Variants in PFKM observed in about 807,000 individuals in gnomAD.
The protein encoded by PFKM is ATP-dependent 6-phosphofructokinase, muscle type.
In PFKM, 58 loss-of-function variants were observed where a neutral mutation model predicts 95.5. The ratio of observed to expected loss-of-function variants is 0.61; its 90% confidence interval spans 0.49 to 0.76. The LOEUF (loss-of-function observed/expected upper bound fraction) is 0.76, where lower values mean the gene tolerates loss of function less well. Ranked by LOEUF, PFKM falls within the 30% of genes least tolerant of loss-of-function variation. The pLI, the probability that PFKM is intolerant of heterozygous loss-of-function variation, is 0.00. For missense variants in PFKM, 678 were observed against 1,005.4 expected (o/e 0.67, Z 4.40); for synonymous variants, 336 against 357.2 (o/e 0.94, Z 0.67).
chr12:48,141,330 G>A lies in PFKM; in HGVS notation c.1361G>A (p.Ser454Asn). ...AKGQIEEAGW[S>N]YVGGWTGQGG... Reference sequence around the variant, plus strand: ...CCACAGATAGAGGAAGCTGGCTGGAGCTATGTTGGGGGCTGGACTGGCCAA... The same window carrying A: ...CCACAGATAGAGGAAGCTGGCTGGAACTATGTTGGGGGCTGGACTGGCCAA... The change falls in exon 15 of 23, where the codon AGC becomes AAC. Residue 454 changes from serine to asparagine, a missense_variant. By Grantham distance (46) the Ser-to-Asn change is conservative. Transcript: ENST00000359794. The A allele has an allele frequency of 6.2e-7, 1 of 1,614,176 alleles. No homozygotes were observed. Among genetic ancestry groups the A allele is most frequent in the Non-Finnish European group, 8.5e-7 (1 of 1,180,024 alleles).
rs1029987503 is a variant in PFKM at position 48,106,194 on chromosome 12, T to C, written c.-10+57T>C. ...GTCAAAGAACAGAGTTAAGGACCAG[T>C]GGGGCGCCTGCGCGGTGTGGCGAGG... On this transcript the variant is annotated intron_variant, in intron 1 of 24. Coordinates refer to the PFKM transcript ENST00000340802. 1.6e-5 allele frequency: 11 copies of C among 680,214 alleles called. No homozygotes were observed. The East Asian group carries it at 2.7e-4, about 17-fold the overall frequency. The allele number at this position is 680,214 out of a possible 1,614,324, so 42.1% of individuals were successfully genotyped here.
At chr12:48,123,194 G>A (rs1250733180) in intron 2 of PFKM, among the ~76,000 whole-genome samples, 1 of 152,156 alleles carries the variant, frequency 6.6e-6, no homozygotes, top group African/African-American at 2.4e-5. Context: ...TTAACTTCAT[G>A]TACTTTGGTA....
chr12:48,139,664 AG>A (rs1459266261), intron 12 of PFKM, among the ~76,000 whole-genome samples, 184 bp from the exon 13 acceptor site: 2 of 152,252 alleles, frequency 1.3e-5, no homozygotes, highest in African/African-American at 4.8e-5. Flanking sequence ...GTACTGAGGG[AG>A]TGTTTGATGA....
At chr12:48,139,725 C>T (rs1308966205) in intron 12 of PFKM, 124 bp from the exon 13 acceptor site, 1 of 740,858 alleles carries the variant, frequency 1.3e-6, no homozygotes, top group Admixed American at 1.9e-5. Flanking sequence ...TGCCCCAGTT[C>T]TGTCCTCAGA....
chr12:48,133,007 A>C lies in PFKM; in HGVS notation c.377A>C (p.Asp126Ala). The C allele has an allele frequency of 6.2e-7, 1 of 1,614,130 alleles. No individual in the cohort carries two copies. Among genetic ancestry groups the C allele is most frequent in the Non-Finnish European group, 8.5e-7 (1 of 1,179,998 alleles). Residue 126 changes from aspartate to alanine, a missense_variant, in exon 5 of 23, where the codon GAC becomes GCC. Asp to Ala is a moderately radical substitution (Grantham distance 126). Coordinates refer to ENST00000359794, the MANE Select transcript of PFKM (RefSeq NM_000289.6). Reference protein sequence around the residue: ...IGGDGSLTGADTFRSEWSDLL... With the variant: ...IGGDGSLTGAATFRSEWSDLL... ...GGTGATGGCAGCCTCACTGGGGCTGACACCTTCCGTTCTGAGTGGAGTGAC... is the reference window on the plus strand; with the variant it reads ...GGTGATGGCAGCCTCACTGGGGCTGCCACCTTCCGTTCTGAGTGGAGTGAC...
Position 48,137,778 on chromosome 12 carries a change from C to T in PFKM, c.994C>T (p.Pro332Ser). ...ACTTTTGGAGGGGACCCCAGATACC[C>T]CAGCCTGTGTAGTGAGCCTCTCTGG... ...MALLEGTPDT[P>S]ACVVSLSGNQ... Residue 332 changes from proline to serine, a missense_variant, in exon 11 of 23, where the codon CCA becomes TCA. Coordinates refer to ENST00000359794, the MANE Select transcript of PFKM (RefSeq NM_000289.6). 6.2e-7 allele frequency: 1 copy of T among 1,614,098 alleles called. No homozygotes were observed. The highest frequency in any genetic ancestry group is 8.5e-7 in the Non-Finnish European group (1 of 1,179,960).
chr12:48,107,873 T>C (rs1057322529), intron 2 of PFKM, among the ~76,000 whole-genome samples: 1 of 152,138 alleles, frequency 6.6e-6, no homozygotes, highest in African/African-American at 2.4e-5. Context: ...TCAAAGTATC[T>C]AGTTATATGT....
chr12:48,111,038 G>T (rs943353553), intron 3 of PFKM, among the ~76,000 whole-genome samples: 2 of 152,202 alleles, frequency 1.3e-5, no homozygotes, highest in African/African-American at 4.8e-5. Flanking sequence ...CTCAGGGGTA[G>T]CAGGCACCTT....
chr12:48,125,341 G>A, intron 2 of PFKM: 1 of 449,824 alleles, frequency 2.2e-6, no homozygotes, highest in Non-Finnish European at 4.5e-6. Context: ...GACGGGATCG[G>A]CCAGGTGCAG....
chr12:48,143,440 G>T (rs1011982881), intron 18 of PFKM, among the ~76,000 whole-genome samples: 2 of 152,202 alleles, frequency 1.3e-5, no homozygotes, highest in African/African-American at 4.8e-5. Context: ...GTGACCACAA[G>T]TCAGCCCTCT....
chr12:48,121,352 T>C (rs910682796), intron 1 of PFKM, among the ~76,000 whole-genome samples: 4 of 152,222 alleles, frequency 2.6e-5, no homozygotes, highest in Non-Finnish European at 5.9e-5. Context: ...ATGCAAGGGC[T>C]AAATTGTAGA....
At chr12:48,125,802 C>T (rs1312581270) in intron 2 of PFKM, among the ~76,000 whole-genome samples, 2 of 152,102 alleles carry the variant, frequency 1.3e-5, no homozygotes, top group Non-Finnish European at 2.9e-5. Flanking sequence ...ATCCTTTTAC[C>T]TCTCTGGCTT....
intron 3 of PFKM, among the ~76,000 whole-genome samples, chr12:48,110,737 T>C (rs1043086326): frequency 1.3e-5 from 2 of 152,228 alleles, no homozygotes; most frequent in Non-Finnish European, 2.9e-5. Flanking sequence ...TATTTCTTTC[T>C]TGTCTCTTAC....
chr12:48,130,428 G>A lies in PFKM; in HGVS notation c.151G>A (p.Val51Ile). The A allele has an allele frequency of 6.2e-7, 1 of 1,611,738 alleles. No individual in the cohort carries two copies. The highest frequency in any genetic ancestry group is 8.5e-7 in the Non-Finnish European group (1 of 1,177,836). Residue 51 changes from valine to isoleucine, a missense_variant, in exon 3 of 23, where the codon GTC (valine) becomes ATC (isoleucine). Transcript: ENST00000359794. ...CTTCACCGGTGCCCGTGTCTTCTTT[G>A]TCCATGAGGTTGGTTCTGTACTTTG... is the stretch of plus-strand genomic sequence containing the variant. ...GIFTGARVFF[V>I]HEGYQGLVDG...
In PFKM at chr12:48,133,763, G is replaced by A. The variant is rs1315447894; in HGVS notation, c.593+283G>A. ...GGGTAAATGGTTATTCTTCAGACTG[G>A]GCAAATCTAGGGAGCCCAGACATGA... On this transcript the variant is annotated intron_variant, in intron 6 of 22. Transcript: ENST00000359794. Among the ~76,000 whole-genome samples the A allele has an allele frequency of 2.6e-5, 4 of 152,198 alleles. No homozygotes were observed. In the South Asian group the frequency reaches 8.3e-4, roughly 32 times the overall value.
chr12:48,143,292 C>G (rs1271121631), intron 18 of PFKM, among the ~76,000 whole-genome samples: 3 of 152,162 alleles, frequency 2.0e-5, no homozygotes, highest in Non-Finnish European at 2.9e-5. Context: ...CCTAAGTGAG[C>G]AGATGGTTTA....
intron 13 of PFKM, 147 bp from the exon 14 acceptor site, chr12:48,140,575 G>A (rs1441789486): frequency 3.6e-6 from 3 of 824,146 alleles, no homozygotes; most frequent in African/African-American, 3.3e-5. Context: ...GCATTCCTTG[G>A]GAGAGGGGTG....
At chr12:48,140,673 TC>T in intron 13 of PFKM, 48 bp from the exon 14 acceptor site, 1 of 1,603,402 alleles carries the variant, frequency 6.2e-7, no homozygotes, top group Non-Finnish European at 8.5e-7. Flanking sequence ...TCCTCCCTGT[TC>T]CCCTGCTGGG....
Position 48,134,742 on chromosome 12 carries a change from T to C in PFKM, c.660T>C (p.Ser220=), listed in dbSNP as rs1267732012. The C allele has an allele frequency of 6.2e-7, 1 of 1,613,860 alleles. No individual in the cohort carries two copies. Among genetic ancestry groups the C allele is most frequent in the Non-Finnish European group, 8.5e-7 (1 of 1,179,796 alleles). The part of the protein sequence containing the change: ...RHCGYLALVT[S]LSCGADWVFI... ...TCAGATACCTGGCCCTTGTCACCTCTCTGTCCTGTGGGGCCGACTGGGTTT... is the reference window on the plus strand; with the variant it reads ...TCAGATACCTGGCCCTTGTCACCTCCCTGTCCTGTGGGGCCGACTGGGTTT... The change falls in exon 8 of 23, where the codon TCT becomes TCC. Residue 220 remains serine (S), a synonymous_variant. Transcript: ENST00000359794.
Sources: gnomAD v4.1 joint callset for allele counts (sites outside exome capture counted in the v4.1 genomes callset) on GRCh38, gnomAD v4.1.1 for gene constraint, MANE v1.5 for transcripts, NCBI Gene and HGNC (gene_info 2026-07-23, HGNC 2026-07-21) for gene names.